The following LAG3 variants were observed in gnomAD, a reference collection of about 807,000 sequenced individuals.
The protein encoded by LAG3 is lymphocyte activation gene 3 protein.
In LAG3, 29 loss-of-function variants were observed where a neutral mutation model predicts 49.0. The ratio of observed to expected loss-of-function variants is 0.59; its 90% CI spans 0.44 to 0.81. LAG3 has a LOEUF of 0.81. LAG3 is among the 30% of genes least tolerant of loss of function. LAG3 has a pLI of 0.00. For missense variants in LAG3, 693 were observed against 695.2 expected (o/e 1.00, Z 0.04); for synonymous variants, 320 against 297.3 (o/e 1.08, Z -0.79).
In LAG3 at chr12:6,775,423, G is replaced by A; in HGVS notation, c.932G>A (p.Gly311Glu). 1.2e-6 allele frequency: 2 copies of A among 1,614,190 alleles called. No individual in the cohort carries two copies. Among genetic ancestry groups the A allele is most frequent in the African/African-American group, 2.7e-5 (2 of 75,042 alleles). The change falls in exon 5 of 8, where the codon GGA becomes GAA. Residue 311 changes from glycine (G) to glutamate (E), a missense_variant. Coordinates refer to ENST00000203629, the MANE Select transcript of LAG3 (RefSeq NM_002286.6). ...GGAGGCCCTGACCTCCTGGTGACTG[G>A]AGACAATGGCGACTTTACCCTTCGA... ...PGGGPDLLVT[G>E]DNGDFTLRLE... is the part of the protein sequence containing the mutation.
Position 6,774,843 on chromosome 12 carries a change from A to T in LAG3, c.760A>T (p.Met254Leu). The change falls in exon 4 of 8, where the codon ATG becomes TTG. Residue 254 changes from methionine to leucine, a missense_variant. By Grantham distance (15) the Met-to-Leu change is conservative. Coordinates refer to ENST00000203629, the MANE Select transcript of LAG3 (RefSeq NM_002286.6). The stretch of plus-strand genomic sequence containing the variant: ...CAGAGATGGCTTCAACGTCTCCATC[A>T]TGTATAACCTCACTGTTCTGGGTAA... ...TYRDGFNVSI[M>L]YNLTVLGLEP... The T allele has an allele frequency of 6.2e-7, 1 of 1,613,908 alleles. No individual in the cohort carries two copies. The highest frequency in any genetic ancestry group is 8.5e-7 in the Non-Finnish European group (1 of 1,179,870).
At chr12:6,777,730 A>T in intron 6 of LAG3, 61 bp from the exon 7 acceptor site, 1 of 1,585,078 alleles carries the variant, frequency 6.3e-7, no homozygotes, top group Non-Finnish European at 8.6e-7. Flanking sequence ...AAAGTCTGAG[A>T]GAATGACAAA....
intron 5 of LAG3, 54 bp from the exon 6 acceptor site, chr12:6,777,210 T>C (rs1941916068): frequency 6.2e-7 from 1 of 1,606,388 alleles, no homozygotes; most frequent in Non-Finnish European, 8.5e-7. Context: ...CAACCTGTGA[T>C]ATCACGTAAG....
intron 4 of LAG3, 108 bp downstream of exon 4, chr12:6,774,972 A>T (rs370251740): frequency 8.9e-7 from 1 of 1,119,652 alleles, no homozygotes; most frequent in African/African-American, 1.6e-5. Flanking sequence ...CGAGTGGCCT[A>T]CGTCATTGCT....
At chr12:6,778,143 C>T (rs906880836) in intron 7 of LAG3, 101 bp from the exon 8 acceptor site, 2 of 1,336,752 alleles carry the variant, frequency 1.5e-6, no homozygotes, top group South Asian at 2.5e-5. Context: ...AGGGCAGGGG[C>T]GCTGAGAAAA....
Position 6,775,419 on chromosome 12 carries a change from A to T in LAG3, c.928A>T (p.Thr310Ser), listed in dbSNP as rs149434241. ...TGGGGGAGGCCCTGACCTCCTGGTG[A>T]CTGGAGACAATGGCGACTTTACCCT... The part of the protein sequence containing the change: ...PPGGGPDLLV[T>S]GDNGDFTLRL... The change falls in exon 5 of 8, where the codon ACT (threonine) becomes TCT (serine). Residue 310 changes from threonine to serine, a missense_variant. Coordinates refer to ENST00000203629, the MANE Select transcript of LAG3 (RefSeq NM_002286.6). The T allele has an allele frequency of 8.3e-3, 13,380 of 1,614,160 alleles. 63 individuals are homozygous for T. Among genetic ancestry groups the T allele is most frequent in the Non-Finnish European group, 0.01 (11,843 of 1,180,022 alleles).
intron 4 of LAG3, 115 bp from the exon 5 acceptor site, chr12:6,775,158 C>T (rs923765366): frequency 4.0e-5 from 47 of 1,170,076 alleles, no homozygotes; most frequent in Non-Finnish European, 1.5e-5. Flanking sequence ...TGCTCCTTAG[C>T]ACTCTTATGA....
chr12:6,773,983 C>T lies in LAG3; in HGVS notation c.493C>T (p.Arg165Cys). The T allele has an allele frequency of 3.5e-6, 5 of 1,439,890 alleles. No individual in the cohort carries two copies. Among genetic ancestry groups the T allele is most frequent in the Non-Finnish European group, 3.6e-6 (4 of 1,104,990 alleles). The allele number at this position is 1,439,890 out of a possible 1,614,324, so 89.2% of individuals were successfully genotyped here. Reference protein sequence around the residue: ...DRALSCRLRLRLGQASMTASP... With the variant: ...DRALSCRLRLCLGQASMTASP... ...CGCCCTCTCCTGCCGCCTCCGTCTG[C>T]GCCTGGGCCAGGCCTCGAGTATGTG... is the stretch of plus-strand genomic sequence containing the variant. The change falls in exon 3 of 8, where the codon CGC (arginine) becomes TGC (cysteine). Residue 165 changes from arginine (R) to cysteine (C), a missense_variant. Transcript: ENST00000203629. The surrounding 1 kb of genome is among the most constrained non-coding windows in gnomAD (Gnocchi z 5.5).
Position 6,777,426 on chromosome 12 carries a change from C to T in LAG3, c.1220C>T (p.Ser407Phe). ...WLEAQEAQLL[S>F]QPWQCQLYQG... ...GAGGCACAGGAGGCCCAGCTCCTTT[C>T]CCAGCCTTGGCAATGCCAGCTGTAC... The change falls in exon 6 of 8, where the codon TCC (serine) becomes TTC (phenylalanine). Residue 407 changes from serine (S) to phenylalanine (F), a missense_variant. Transcript: ENST00000203629. 1 of 1,614,214 alleles carries T rather than the reference C, an allele frequency of 6.2e-7. No homozygotes were observed. The highest frequency in any genetic ancestry group is 1.1e-5 in the South Asian group (1 of 91,090).
chr12:6,773,500 C>T lies in LAG3; in HGVS notation c.206+161C>T, dbSNP rs1941866662. Among the ~76,000 whole-genome samples the T allele has an allele frequency of 6.6e-6, 1 of 152,230 alleles. No homozygotes were observed. Among genetic ancestry groups the T allele is most frequent in the Non-Finnish European group, 1.5e-5 (1 of 68,036 alleles). On this transcript the variant is annotated intron_variant, in intron 2 of 7. Transcript: ENST00000203629. This position sits in a 1 kb window ranked among gnomAD's most constrained non-coding sequence, Gnocchi z 5.5. ...ACCGTTCCTGCCCTTGCTCTGCAAT[C>T]AGCGACCCTCACGCCAGCATCCCTT...
In LAG3 at chr12:6,773,713, GC is replaced by G. The variant is rs1371514499; in HGVS notation, c.228del (p.Gly77AlafsTer26). 5 of 1,350,352 alleles carry G rather than the reference GC, an allele frequency of 3.7e-6. No individual in the cohort carries two copies. Among genetic ancestry groups the G allele is most frequent in the Admixed American group, 3.4e-5 (1 of 29,542 alleles). The allele number at this position is 1,350,352 out of a possible 1,614,324, so 83.6% of individuals were successfully genotyped here. On this transcript the variant is annotated frameshift_variant, in exon 3 of 8. Coordinates refer to ENST00000203629, the MANE Select transcript of LAG3 (RefSeq NM_002286.6). LOFTEE classifies it high-confidence loss of function. The surrounding 1 kb of genome is among the most constrained non-coding windows in gnomAD (Gnocchi z 5.5). ...CCCGCCCAGTGGCCCGCCCGCTGCCGCCCCCGGCCATCCCCTGGCCCCCGGC... is the reference window on the plus strand; with the variant it reads ...CCCGCCCAGTGGCCCGCCCGCTGCCGCCCCGGCCATCCCCTGGCCCCCGGC... ...HQPDSGPPAA[A>X]PGHPLAPGPH...
rs779632030 is a variant in LAG3 at position 6,774,597 on chromosome 12, A to T, written c.514A>T (p.Thr172Ser). 1 of 1,613,152 alleles carries T rather than the reference A, an allele frequency of 6.2e-7. No individual in the cohort carries two copies. Among genetic ancestry groups the T allele is most frequent in the South Asian group, 1.1e-5 (1 of 90,994 alleles). The change falls in exon 4 of 8, where the codon ACT becomes TCT. Residue 172 changes from threonine to serine, a missense_variant and splice_region_variant. Physicochemically the swap from Thr to Ser is moderately conservative, Grantham distance 58. Coordinates refer to ENST00000203629, the MANE Select transcript of LAG3 (RefSeq NM_002286.6). ...LRLRLGQASM[T>S]ASPPGSLRAS... ...AAGTCTTCTTTATCCTTGCACAGTG[A>T]CTGCCAGCCCCCCAGGATCTCTCAG...
chr12:6,773,942 T>C lies in LAG3; in HGVS notation c.452T>C (p.Val151Ala). 7.1e-7 allele frequency: 1 copy of C among 1,414,786 alleles called. No homozygotes were observed. The highest frequency in any genetic ancestry group is 9.1e-7 in the Non-Finnish European group (1 of 1,093,456). The allele number at this position is 1,414,786 out of a possible 1,614,324, so 87.6% of individuals were successfully genotyped here. Residue 151 changes from valine to alanine, a missense_variant, in exon 3 of 8, where the codon GTG (valine) becomes GCG (alanine). By Grantham distance (64) the Val-to-Ala change is moderately conservative (BLOSUM62 0). Coordinates refer to ENST00000203629, the MANE Select transcript of LAG3 (RefSeq NM_002286.6). The surrounding 1 kb of genome is among the most constrained non-coding windows in gnomAD (Gnocchi z 5.5). ...RADAGEYRAA[V>A]HLRDRALSCR... ...GACGCCGGCGAGTACCGCGCCGCGG[T>C]GCACCTCAGGGACCGCGCCCTCTCC...
Position 6,777,365 on chromosome 12 carries a change from A to G in LAG3, c.1159A>G (p.Thr387Ala), listed in dbSNP as rs539883776. The change falls in exon 6 of 8, where the codon ACC (threonine) becomes GCC (alanine). Residue 387 changes from threonine (T) to alanine (A), a missense_variant. Coordinates refer to ENST00000203629, the MANE Select transcript of LAG3 (RefSeq NM_002286.6). ...ACGCTTTGTGTGGAGCTCTCTGGAC[A>G]CCCCATCCCAGAGGAGTTTCTCAGG... ...QERFVWSSLD[T>A]PSQRSFSGPW... 3 of 1,614,120 alleles carry G rather than the reference A, an allele frequency of 1.9e-6. No individual in the cohort carries two copies. In the African/African-American group the frequency reaches 4.0e-5, roughly 22 times the overall value.
chr12:6,773,863 C>A lies in LAG3; in HGVS notation c.373C>A (p.Arg125Ser), dbSNP rs771608222. ...GCAGCCCCGCGTCCAGCTGGATGAGCGCGGCCGGCAGCGCGGGGACTTCTC... is the reference window on the plus strand; with the variant it reads ...GCAGCCCCGCGTCCAGCTGGATGAGAGCGGCCGGCAGCGCGGGGACTTCTC... ...PLQPRVQLDE[R>S]GRQRGDFSLW... is the part of the protein sequence containing the mutation. The change falls in exon 3 of 8, where the codon CGC (arginine) becomes AGC (serine). Residue 125 changes from arginine (R) to serine (S), a missense_variant. Physicochemically the swap from Arg to Ser is moderately radical, Grantham distance 110. Coordinates refer to ENST00000203629, the MANE Select transcript of LAG3 (RefSeq NM_002286.6). The surrounding 1 kb of genome is among the most constrained non-coding windows in gnomAD (Gnocchi z 5.5). 1.1e-5 allele frequency: 15 copies of A among 1,403,454 alleles called. No homozygotes were observed. Among genetic ancestry groups the A allele is most frequent in the Non-Finnish European group, 1.4e-5 (15 of 1,086,586 alleles). 86.9% of individuals were successfully genotyped at this position (1,403,454 alleles called of 1,614,324 possible).
Position 6,773,938 on chromosome 12 carries a change from G to T in LAG3, c.448G>T (p.Ala150Ser). The change falls in exon 3 of 8, where the codon GCG becomes TCG. Residue 150 changes from alanine to serine, a missense_variant. Physicochemically the swap from Ala to Ser is moderately conservative, Grantham distance 99. Coordinates refer to ENST00000203629, the MANE Select transcript of LAG3 (RefSeq NM_002286.6). The surrounding 1 kb of genome is among the most constrained non-coding windows in gnomAD (Gnocchi z 5.5). ...CGCGGACGCCGGCGAGTACCGCGCCGCGGTGCACCTCAGGGACCGCGCCCT... is the reference window on the plus strand; with the variant it reads ...CGCGGACGCCGGCGAGTACCGCGCCTCGGTGCACCTCAGGGACCGCGCCCT... ...RRADAGEYRA[A>S]VHLRDRALSC... 2 of 1,408,374 alleles carry T rather than the reference G, an allele frequency of 1.4e-6. No homozygotes were observed. The highest frequency in any genetic ancestry group is 1.8e-6 in the Non-Finnish European group (2 of 1,090,362). The allele number at this position is 1,408,374 out of a possible 1,614,324, so 87.2% of individuals were successfully genotyped here. A position where few individuals can be genotyped will look rare whatever the true frequency, so the allele number is the denominator to read the frequency against.
Position 6,773,944 on chromosome 12 carries a change from C to T in LAG3, c.454C>T (p.His152Tyr). The change falls in exon 3 of 8, where the codon CAC becomes TAC. Residue 152 changes from histidine (H) to tyrosine (Y), a missense_variant. Coordinates refer to ENST00000203629, the MANE Select transcript of LAG3 (RefSeq NM_002286.6). The surrounding 1 kb of genome is among the most constrained non-coding windows in gnomAD (Gnocchi z 5.5). ...CGCCGGCGAGTACCGCGCCGCGGTG[C>T]ACCTCAGGGACCGCGCCCTCTCCTG... ...ADAGEYRAAV[H>Y]LRDRALSCRL... 1.4e-6 allele frequency: 2 copies of T among 1,415,750 alleles called. No individual in the cohort carries two copies. The highest frequency in any genetic ancestry group is 1.8e-6 in the Non-Finnish European group (2 of 1,093,898). The allele number at this position is 1,415,750 out of a possible 1,614,324, so 87.7% of individuals were successfully genotyped here.
At position 6,774,862 on chromosome 12, in the gene LAG3, T is replaced by C; in HGVS notation, c.779T>C (p.Leu260Pro). Residue 260 changes from leucine to proline, a missense_variant and splice_region_variant, in exon 4 of 8, where the codon CTG becomes CCG. By Grantham distance (98) the Leu-to-Pro change is moderately conservative (BLOSUM62 -3). Transcript: ENST00000203629. ...TCCATCATGTATAACCTCACTGTTC[T>C]GGGTAACTCCCCCACTCTGCTTCAC... ...NVSIMYNLTV[L>P]GLEPPTPLTV... is the part of the protein sequence containing the mutation. 6.2e-7 allele frequency: 1 copy of C among 1,610,472 alleles called. No homozygotes were observed. The highest frequency in any genetic ancestry group is 8.5e-7 in the Non-Finnish European group (1 of 1,177,072).
chr12:6,774,951 G>T, intron 4 of LAG3, 87 bp downstream of exon 4: 1 of 1,355,194 alleles, frequency 7.4e-7, no homozygotes, highest in South Asian at 1.3e-5. Flanking sequence ...CCCAAACCAG[G>T]TTCTCGGCAG....
Sources: gnomAD v4.1 joint callset for allele counts (sites outside exome capture counted in the v4.1 genomes callset) on GRCh38, gnomAD v4.1.1 for gene constraint, Gnocchi (gnomAD v3.1) non-coding constraint, MANE v1.5 for transcripts, NCBI Gene and HGNC (gene_info 2026-07-23, HGNC 2026-07-21) for gene names.